The following KIF27 variants were observed in gnomAD, a reference collection of about 807,000 sequenced individuals.
The protein encoded by KIF27 is kinesin family member 27, also known as kinesin-like protein KIF27.
In KIF27, 84 loss-of-function variants were observed where a neutral mutation model predicts 141.8. The ratio of observed to expected loss-of-function variants is 0.59; its 90% CI spans 0.50 to 0.71. The LOEUF is 0.71. Among genes scored for constraint, KIF27 ranks in the 30% least tolerant of loss-of-function variants. The probability of loss-of-function intolerance (pLI) is 0.00; values close to 1 mark genes in which losing one functional copy is unlikely to be tolerated. For missense variants in KIF27, 1,306 were observed against 1,628.4 expected, an observed-to-expected ratio of 0.80 and a Z score of 3.41; for synonymous variants, 471 against 569.5, an observed-to-expected ratio of 0.83 and a Z score of 2.46.
intron 1 of KIF27, among the ~76,000 whole-genome samples, chr9:83,920,137 T>C (rs1368230406): frequency 6.6e-6 from 1 of 152,058 alleles, no homozygotes; most frequent in African/African-American, 2.4e-5. Flanking sequence ...AGGCTGAGAT[T>C]GGAGGATCGC....
At chr9:83,890,633 C>T (rs1315659032) in intron 6 of KIF27, among the ~76,000 whole-genome samples, 2 of 152,200 alleles carry the variant, frequency 1.3e-5, no homozygotes, top group South Asian at 2.1e-4. Context: ...TCATGTATCA[C>T]TTGCCTTTCA....
chr9:83,860,882 G>A (rs1482311370), intron 13 of KIF27, among the ~76,000 whole-genome samples: 1 of 140,330 alleles, frequency 7.1e-6, no homozygotes, highest in African/African-American at 2.8e-5. Context: ...CTTGATGGGA[G>A]ATTTTTTTTT....
Position 83,836,703 on chromosome 9 carries a change from G to A in KIF27, c.*298C>T, listed in dbSNP as rs1322456323. On this transcript the variant is annotated 3_prime_UTR_variant, in exon 18 of 18. Transcript: ENST00000297814. Reference sequence around the variant, plus strand: ...TAATACATACTTGATAGATATTTTAGTCTATTACTAGTTTTAATCTTCAAA... The same window carrying A: ...TAATACATACTTGATAGATATTTTAATCTATTACTAGTTTTAATCTTCAAA... The A allele has an allele frequency of 7.7e-6, 2 of 260,592 alleles. No individual in the cohort carries two copies. The highest frequency in any genetic ancestry group is 1.4e-5 in the Non-Finnish European group (2 of 138,030). 16.1% of individuals were successfully genotyped at this position (260,592 alleles called of 1,614,324 possible).
At chr9:83,853,936 C>T (rs1006032030) in intron 14 of KIF27, 101 bp from the exon 15 acceptor site, 2 of 845,712 alleles carry the variant, frequency 2.4e-6, no homozygotes, top group East Asian at 2.6e-5. Flanking sequence ...ATGGATATTA[C>T]CACTCTTGTA....
At chr9:83,865,378 A>G (rs1588076026) in intron 13 of KIF27, among the ~76,000 whole-genome samples, 2 of 151,980 alleles carry the variant, frequency 1.3e-5, no homozygotes, top group Admixed American at 1.3e-4. Context: ...GCTCACTGCA[A>G]CCTCTGCCTC....
chr9:83,903,130 G>C lies in KIF27; in HGVS notation c.1388C>G (p.Thr463Ser). The C allele has an allele frequency of 6.2e-7, 1 of 1,614,150 alleles. No homozygotes were observed. Among genetic ancestry groups the C allele is most frequent in the Non-Finnish European group, 8.5e-7 (1 of 1,180,022 alleles). ...CTGTGGTCCTTCTTCCAGACTTGCA[G>C]TGCCTCCGATTCCTCGAAATGAGGT... is the stretch of plus-strand genomic sequence containing the variant. The part of the protein sequence containing the change: ...VLTSFRGIGG[T>S]ASLEEGPQHV... The change falls in exon 4 of 18, where the codon ACT (threonine) becomes AGT (serine). Residue 463 changes from threonine to serine, a missense_variant. Physicochemically the swap from Thr to Ser is moderately conservative, Grantham distance 58. This residue lies in a region of KIF27 where 533 missense variants were observed against 565.6 expected (regional missense o/e 0.94). Coordinates refer to ENST00000297814, the MANE Select transcript of KIF27 (RefSeq NM_017576.4).
At position 83,884,134 on chromosome 9, in the gene KIF27, T is replaced by C. The variant is rs554189897; in HGVS notation, c.2240-116A>G. The C allele has an allele frequency of 1.7e-4, 117 of 695,884 alleles. No homozygotes were observed. The African/African-American group carries it at 2.1e-3, about 12-fold the overall frequency. The allele number at this position is 695,884 out of a possible 1,614,324, so 43.1% of individuals were successfully genotyped here. On this transcript the variant is annotated intron_variant, in intron 9 of 17. Transcript: ENST00000297814. ...CCAGGCAGTGATACTATTTAAGGCA[T>C]AGCATTAAAAACCCAGTTGTCCCCA...
Position 83,859,370 on chromosome 9 carries a change from G to A in KIF27, c.2936C>T (p.Ala979Val), listed in dbSNP as rs1949619359. ...LENKKLRSSQ[A>V]LNTDSLKIST... is the part of the protein sequence containing the mutation. ...TATTTTCAAACTATCTGTGTTTAAG[G>A]CCTAAAAGATACAACCCACCAGCCA... The change falls in exon 14 of 18, where the codon GCC becomes GTC. Residue 979 changes from alanine (A) to valine (V), a missense_variant and splice_region_variant. This residue lies in a region of KIF27 where 596 missense variants were observed against 751.6 expected (regional missense o/e 0.79). Coordinates refer to ENST00000297814, the MANE Select transcript of KIF27 (RefSeq NM_017576.4). The A allele has an allele frequency of 6.2e-7, 1 of 1,611,854 alleles. No homozygotes were observed. The highest frequency in any genetic ancestry group is 8.5e-7 in the Non-Finnish European group (1 of 1,178,098).
chr9:83,881,818 T>C (rs1180801358), intron 10 of KIF27, among the ~76,000 whole-genome samples: 1 of 152,206 alleles, frequency 6.6e-6, no homozygotes, highest in Non-Finnish European at 1.5e-5. Context: ...ATATTAAAAA[T>C]ATCAGTGTAC....
At chr9:83,852,303 A>T (rs900091870) in intron 15 of KIF27, among the ~76,000 whole-genome samples, 10 of 151,074 alleles carry the variant, frequency 6.6e-5, no homozygotes, top group Non-Finnish European at 1.3e-4. Context: ...TACAAAAAAA[A>T]TTAGCCAGGT....
intron 11 of KIF27, among the ~76,000 whole-genome samples, chr9:83,874,433 G>A (rs1204269944): frequency 6.6e-6 from 1 of 152,118 alleles, no homozygotes; most frequent in African/African-American, 2.4e-5. Context: ...TAGTCAAGTA[G>A]AAAAGAGACA....
At chr9:83,882,225 G>C (rs1188850904) in intron 10 of KIF27, among the ~76,000 whole-genome samples, 1 of 152,050 alleles carries the variant, frequency 6.6e-6, no homozygotes, top group Non-Finnish European at 1.5e-5. Context: ...TTGCGGGTGT[G>C]GTGGCAGGCA....
intron 17 of KIF27, among the ~76,000 whole-genome samples, chr9:83,840,650 A>AT (rs908822525): frequency 2.6e-5 from 4 of 152,028 alleles, no homozygotes. Flanking sequence ...TATGTTGACT[A>AT]TTTTGTTTCT....
At position 83,870,650 on chromosome 9, in the gene KIF27, G is replaced by A; in HGVS notation, c.2644-18C>T. The A allele has an allele frequency of 6.2e-7, 1 of 1,606,442 alleles. No individual in the cohort carries two copies. Among genetic ancestry groups the A allele is most frequent in the Non-Finnish European group, 8.5e-7 (1 of 1,175,920 alleles). ...TGTATTTCCTATAGAAAAAGAAATT[G>A]AAAACACCTTATTGCTTTTACACCT... On this transcript the variant is annotated intron_variant, in intron 11 of 17. Transcript: ENST00000297814.
At chr9:83,848,434 A>C (rs1460558571) in intron 16 of KIF27, among the ~76,000 whole-genome samples, 1 of 134,732 alleles carries the variant, frequency 7.4e-6, no homozygotes, top group East Asian at 2.1e-4. Context: ...ATATCTATAT[A>C]TCATATATGC....
chr9:83,903,789 C>T lies in KIF27; in HGVS notation c.729G>A (p.Val243=), dbSNP rs1357392333. The change falls in exon 4 of 18, where the codon GTG becomes GTA. Residue 243 remains valine, a synonymous_variant. Transcript: ENST00000297814. ...TTACTCTTTCTGATCCTGCCAAATC[C>T]ACAAAGTGGAACTTTGAGACAATAT... The part of the protein sequence containing the change: ...PRHIVSKFHF[V]DLAGSERVTK... 4 of 1,614,066 alleles carry T rather than the reference C, an allele frequency of 2.5e-6. No individual in the cohort carries two copies. The highest frequency in any genetic ancestry group is 1.3e-5 in the African/African-American group (1 of 74,918).
intron 17 of KIF27, among the ~76,000 whole-genome samples, chr9:83,838,207 C>T (rs1420542381): frequency 6.6e-6 from 1 of 151,740 alleles, no homozygotes; most frequent in African/African-American, 2.4e-5. Context: ...ATGCTTAGTA[C>T]ACTTTCAGTC....
chr9:83,917,036 GGTTT>G (rs1955768765), intron 1 of KIF27, among the ~76,000 whole-genome samples: 1 of 151,734 alleles, frequency 6.6e-6, no homozygotes, highest in African/African-American at 2.4e-5. Flanking sequence ...ACAACGTGCA[GGTTT>G]GTTACATATG....
rs756051676 is a variant in KIF27, at chr9:83,888,573, T to G, written c.1999A>C (p.Ile667Leu). 1 of 1,595,066 alleles carries G rather than the reference T, an allele frequency of 6.3e-7. No individual in the cohort carries two copies. Among genetic ancestry groups the G allele is most frequent in the Non-Finnish European group, 8.6e-7 (1 of 1,168,510 alleles). The change falls in exon 8 of 18, where the codon ATT (isoleucine) becomes CTT (leucine). Residue 667 changes from isoleucine (I) to leucine (L), a missense_variant. This residue lies in a region of KIF27 where 596 missense variants were observed against 751.6 expected (regional missense o/e 0.79). Transcript: ENST00000297814. ...SGTRCRSRSW[I>L]QKPDSVCSLV... is the part of the protein sequence containing the mutation. ...GAACAAACAGAGTCTGGCTTCTGAA[T>G]CCATGAACGACTTCTACATCTTAAA...
Sources: gnomAD v4.1 joint callset for allele counts (sites outside exome capture counted in the v4.1 genomes callset) on GRCh38, gnomAD v4.1.1 for gene constraint, gnomAD v4.1.1 regional missense constraint, MANE v1.5 for transcripts, NCBI Gene and HGNC (gene_info 2026-07-23, HGNC 2026-07-21) for gene names.